Variants in PTPN4 observed in about 807,000 individuals in gnomAD.
The protein encoded by PTPN4 is protein tyrosine phosphatase non-receptor type 4, also known as tyrosine-protein phosphatase non-receptor type 4.
Under a neutral mutation model 135.5 loss-of-function variants are expected in PTPN4, and 49 were observed. The ratio of observed to expected loss-of-function variants is 0.36; its 90% CI spans 0.29 to 0.46. PTPN4 has a LOEUF of 0.46. Among genes scored for constraint, PTPN4 ranks in the 20% least tolerant of loss-of-function variants. The probability of loss-of-function intolerance (pLI) is 1.00; values close to 1 mark genes in which losing one functional copy is unlikely to be tolerated. For missense variants in PTPN4, 860 were observed against 1,101.0 expected, an observed-to-expected ratio of 0.78 and a Z score of 3.10; for synonymous variants, 333 against 369.9, an observed-to-expected ratio of 0.90 and a Z score of 1.14.
chr2:119,863,496 T>A (rs1193383673), intron 3 of PTPN4, among the ~76,000 whole-genome samples: 1 of 152,154 alleles, frequency 6.6e-6, no homozygotes, highest in African/African-American at 2.4e-5. Context: ...GTTTTAGAAA[T>A]CTGTTTATAA....
At chr2:119,938,124 A>ATTTT (rs370292419) in intron 15 of PTPN4, among the ~76,000 whole-genome samples, 8 of 117,772 alleles carry the variant, frequency 6.8e-5, no homozygotes, top group East Asian at 2.4e-4. Flanking sequence ...ATGTGGGATA[A>ATTTT]TTTTTTTTTT....
intron 3 of PTPN4, among the ~76,000 whole-genome samples, chr2:119,868,442 T>A (rs1462482119): frequency 6.6e-6 from 1 of 152,206 alleles, no homozygotes; most frequent in Non-Finnish European, 1.5e-5. Flanking sequence ...AACATAGATT[T>A]AATATATACT....
intron 2 of PTPN4, among the ~76,000 whole-genome samples, chr2:119,828,130 C>T (rs528173212): frequency 2.0e-5 from 3 of 152,220 alleles, no homozygotes; most frequent in African/African-American, 4.8e-5. Flanking sequence ...GAGATGTTCT[C>T]ACCATATGGA....
At chr2:119,814,116 G>A (rs966538706) in intron 2 of PTPN4, among the ~76,000 whole-genome samples, 6 of 152,138 alleles carry the variant, frequency 3.9e-5, no homozygotes, top group East Asian at 1.9e-4. Flanking sequence ...TGTAATTGGC[G>A]TATTCATTTA....
At chr2:119,792,328 G>A (rs554117482) in intron 1 of PTPN4, among the ~76,000 whole-genome samples, 80 of 152,168 alleles carry the variant, frequency 5.3e-4, no homozygotes, top group Non-Finnish European at 9.3e-4. Context: ...ATATTTCCTG[G>A]TACCTACAAT....
intron 2 of PTPN4, among the ~76,000 whole-genome samples, chr2:119,828,589 G>A (rs922409266): frequency 2.6e-5 from 4 of 152,202 alleles, no homozygotes; most frequent in African/African-American, 9.6e-5. Flanking sequence ...TGGAAATGCT[G>A]GGTCAGCTTC....
At chr2:119,877,996 C>A (rs1678010996) in intron 5 of PTPN4, among the ~76,000 whole-genome samples, 1 of 151,886 alleles carries the variant, frequency 6.6e-6, no homozygotes, top group African/African-American at 2.4e-5. Context: ...CAGTAGGTAC[C>A]TTTTGTCCCC....
chr2:119,820,750 G>T (rs1677054082), intron 2 of PTPN4, among the ~76,000 whole-genome samples: 1 of 151,928 alleles, frequency 6.6e-6, no homozygotes, highest in Non-Finnish European at 1.5e-5. Context: ...TTGAGTCTTT[G>T]CCCTTATTAT....
At chr2:119,879,095 A>ACC (rs1678031424) in intron 5 of PTPN4, among the ~76,000 whole-genome samples, 1 of 151,568 alleles carries the variant, frequency 6.6e-6, no homozygotes, top group Admixed American at 6.6e-5. Context: ...TCCGTCTGAA[A>ACC]AAAAAAAAAA....
At chr2:119,776,031 T>C (rs534540759) in intron 1 of PTPN4, among the ~76,000 whole-genome samples, 1 of 152,202 alleles carries the variant, frequency 6.6e-6, no homozygotes, top group Non-Finnish European at 1.5e-5. Flanking sequence ...AGAAAATAAA[T>C]TAACTATAGA....
rs1677752544 is a variant in PTPN4, at chr2:119,860,997, G to A, written c.139-1539G>A. Among the ~76,000 whole-genome samples the A allele has an allele frequency of 4.0e-5, 6 of 150,114 alleles. No homozygotes were observed. In the South Asian group the frequency reaches 1.3e-3, roughly 32 times the overall value. ...CGGAGGTTGCAGTGAGCCAAGATCA[G>A]ATTGTGCCATTGCACTCTAGCCTGG... On this transcript the variant is annotated intron_variant, in intron 2 of 26. Transcript: ENST00000263708.
At chr2:119,847,110 A>G (rs947257088) in intron 2 of PTPN4, among the ~76,000 whole-genome samples, 2 of 149,862 alleles carry the variant, frequency 1.3e-5, no homozygotes, top group African/African-American at 4.9e-5. Context: ...ACCATCTGGT[A>G]TCATTTCCAT....
At chr2:119,915,434 A>ATCT (rs1269534776) in intron 11 of PTPN4, 192 bp downstream of exon 11, 2 of 365,958 alleles carry the variant, frequency 5.5e-6, no homozygotes, top group Non-Finnish European at 9.9e-6. Context: ...GTTCTAATTT[A>ATCT]AAGTTCTTCT....
At chr2:119,900,172 C>T (rs972313281) in intron 9 of PTPN4, among the ~76,000 whole-genome samples, 3 of 151,968 alleles carry the variant, frequency 2.0e-5, no homozygotes, top group Non-Finnish European at 2.9e-5. Context: ...TGTTATTCTC[C>T]GGGGTCTTCT....
intron 1 of PTPN4, among the ~76,000 whole-genome samples, chr2:119,763,081 T>G (rs182680904): frequency 9.8e-5 from 15 of 152,294 alleles, no homozygotes; most frequent in Non-Finnish European, 1.5e-4. Context: ...TTTATTGATA[T>G]GAAAGTACCA....
intron 8 of PTPN4, among the ~76,000 whole-genome samples, chr2:119,883,304 T>C (rs1047698345): frequency 1.3e-5 from 2 of 152,170 alleles, no homozygotes; most frequent in African/African-American, 2.4e-5. Context: ...TTGGTTTCTA[T>C]ACCAAGATAT....
chr2:119,785,399 G>A (rs968766812), intron 1 of PTPN4, among the ~76,000 whole-genome samples: 5 of 152,132 alleles, frequency 3.3e-5, no homozygotes, highest in African/African-American at 1.2e-4. Context: ...GAGAAATGCT[G>A]ATATAGGTTA....
intron 2 of PTPN4, among the ~76,000 whole-genome samples, chr2:119,842,242 G>A (rs1034781991): frequency 6.6e-6 from 1 of 152,150 alleles, no homozygotes; most frequent in Non-Finnish European, 1.5e-5. Context: ...GTGTGCATCA[G>A]GTCCTAGTAT....
intron 8 of PTPN4, among the ~76,000 whole-genome samples, chr2:119,883,164 A>C (rs1483448837): frequency 6.6e-6 from 1 of 152,166 alleles, no homozygotes; most frequent in African/African-American, 2.4e-5. Flanking sequence ...ACCTGATCCC[A>C]TGTAATGGGT....
Sources: gnomAD v4.1 joint callset for allele counts (sites outside exome capture counted in the v4.1 genomes callset) on GRCh38, gnomAD v4.1.1 for gene constraint, MANE v1.5 for transcripts, NCBI Gene and HGNC (gene_info 2026-07-23, HGNC 2026-07-21) for gene names.